The following CAST variants were observed in gnomAD, a reference collection of about 807,000 sequenced individuals.
CAST encodes calpastatin.
CAST carries 76 observed loss-of-function variants against 119.6 expected under a neutral mutation model. The ratio of observed to expected loss-of-function variants is 0.64; its 90% CI spans 0.53 to 0.77. CAST has a LOEUF of 0.77. Ranked by LOEUF, CAST falls within the 30% of genes least tolerant of loss-of-function variation. The probability of loss-of-function intolerance (pLI) is 0.00; values close to 1 mark genes in which losing one functional copy is unlikely to be tolerated. For missense variants in CAST, 953 were observed against 946.5 expected (o/e 1.01, Z -0.09); for synonymous variants, 319 against 331.6 (o/e 0.96, Z 0.41).
At chr5:96,338,129 T>A in the CAST span, among the ~76,000 whole-genome samples, 2 of 152,216 alleles carry the variant, frequency 1.3e-5, no homozygotes, top group Admixed American at 1.3e-4. Context: ...ACAACAATTG[T>A]TAGACCATAA....
the CAST span, among the ~76,000 whole-genome samples, chr5:96,257,362 C>T: frequency 6.6e-6 from 1 of 151,980 alleles, no homozygotes; most frequent in African/African-American, 2.4e-5. Flanking sequence ...AAATAATATG[C>T]AGGAATCTTA....
intron 3 of CAST, among the ~76,000 whole-genome samples, chr5:96,709,769 T>A (rs1755726076): frequency 6.6e-6 from 1 of 152,236 alleles, no homozygotes; most frequent in Non-Finnish European, 1.5e-5. Flanking sequence ...AATAGACATA[T>A]ATTATTTTCT....
At chr5:96,548,674 C>G (rs1427756436) in intron 1 of CAST, among the ~76,000 whole-genome samples, 2 of 152,100 alleles carry the variant, frequency 1.3e-5, no homozygotes, top group Non-Finnish European at 2.9e-5. Flanking sequence ...GGGAACAACC[C>G]TAGAATTTTC....
At chr5:96,036,875 A>G in the CAST span, among the ~76,000 whole-genome samples, 1 of 152,298 alleles carries the variant, frequency 6.6e-6, no homozygotes, top group South Asian at 2.1e-4. Flanking sequence ...CAAAACAAAT[A>G]TGTATTAATG....
At chr5:96,244,212 A>G in the CAST span, among the ~76,000 whole-genome samples, 1 of 152,128 alleles carries the variant, frequency 6.6e-6, no homozygotes, top group African/African-American at 2.4e-5. Flanking sequence ...CAATAAATTC[A>G]CTCAATAAAT....
chr5:96,239,212 C>T, the CAST span, among the ~76,000 whole-genome samples: 77,774 of 151,858 alleles, frequency 0.51, 21,007 homozygotes, highest in African/African-American at 0.68. Flanking sequence ...TATGCAATGA[C>T]TTATATATGT....
the CAST span, among the ~76,000 whole-genome samples, chr5:96,515,303 TTTGA>T: frequency 1.0e-3 from 155 of 151,534 alleles, no homozygotes; most frequent in Middle Eastern, 3.4e-3. Flanking sequence ...TCCCACAATG[TTTGA>T]TTGTTTGTTT....
chr5:96,211,198 A>T, the CAST span, among the ~76,000 whole-genome samples: 1 of 151,954 alleles, frequency 6.6e-6, no homozygotes, highest in Non-Finnish European at 1.5e-5. Flanking sequence ...TTCCAGTAAT[A>T]TGGGTGAGTA....
chr5:96,753,937 A>C lies in CAST; in HGVS notation c.1525-123A>C, dbSNP rs918968531. The C allele has an allele frequency of 4.7e-5, 30 of 632,072 alleles. No homozygotes were observed. The African/African-American group carries it at 5.5e-4, about 11-fold the overall frequency. 39.2% of individuals were successfully genotyped at this position (632,072 alleles called of 1,614,324 possible). The stretch of plus-strand genomic sequence containing the variant: ...AGATTCTAATTCAGTTGATAACTCG[A>C]GTTATTAAAAGATAGCGTGTGCCTT... On this transcript the variant is annotated intron_variant, in intron 20 of 31. Coordinates refer to ENST00000675179, the MANE Select transcript of CAST (RefSeq NM_001750.7).
intron 8 of CAST, 31 bp from the exon 9 acceptor site, chr5:96,730,749 C>T (rs1326601947): frequency 9.2e-6 from 14 of 1,516,656 alleles, no homozygotes; most frequent in Non-Finnish European, 1.2e-5. Context: ...AGATACTTAG[C>T]TCTGTCAACC....
the CAST span, among the ~76,000 whole-genome samples, chr5:96,094,118 G>T: frequency 1.3e-5 from 2 of 152,158 alleles, no homozygotes; most frequent in East Asian, 3.8e-4. Context: ...TAGTTATCTT[G>T]TTGTTAAATA....
At chr5:96,635,097 G>A (rs894278069) in intron 1 of CAST, among the ~76,000 whole-genome samples, 5 of 152,220 alleles carry the variant, frequency 3.3e-5, no homozygotes, top group Non-Finnish European at 7.3e-5. Flanking sequence ...CAGTAGGTGG[G>A]TGGATTTCCT....
intron 3 of CAST, among the ~76,000 whole-genome samples, chr5:96,701,600 T>A: frequency 6.6e-6 from 1 of 152,014 alleles, no homozygotes; most frequent in Non-Finnish European, 1.5e-5. Context: ...AGGTCAGGAG[T>A]TCGAGACCAG....
At chr5:96,205,647 C>A in the CAST span, among the ~76,000 whole-genome samples, 13 of 152,144 alleles carry the variant, frequency 8.5e-5, no homozygotes, top group African/African-American at 3.1e-4. Flanking sequence ...GACATGATCT[C>A]ATTCTGTTTT....
chr5:96,632,498 T>C (rs1172178993), intron 1 of CAST, among the ~76,000 whole-genome samples: 1 of 152,086 alleles, frequency 6.6e-6, no homozygotes, highest in Non-Finnish European at 1.5e-5. Context: ...GTTTGGTGTC[T>C]TATCTAAAAA....
the CAST span, among the ~76,000 whole-genome samples, chr5:96,300,731 G>T: frequency 6.6e-6 from 1 of 151,358 alleles, no homozygotes; most frequent in African/African-American, 2.4e-5. Flanking sequence ...CCATGAACGT[G>T]GGATATCTTT....
At chr5:96,025,078 C>T in the CAST span, among the ~76,000 whole-genome samples, 1 of 152,196 alleles carries the variant, frequency 6.6e-6, no homozygotes, top group African/African-American at 2.4e-5. Flanking sequence ...TAATCTGAAG[C>T]TTTTCCACAT....
At chr5:96,300,673 G>A in the CAST span, among the ~76,000 whole-genome samples, 1 of 151,802 alleles carries the variant, frequency 6.6e-6, no homozygotes, top group African/African-American at 2.4e-5. Flanking sequence ...TGAATCCATA[G>A]ATAACTTTGG....
chr5:96,566,904 T>A lies in CAST; in HGVS notation c.60+37024T>A, dbSNP rs188553198. ...AACACTGAGAGTGCTTTACTTATGT[T>A]TTAGTTTCGTTTTGCTTTGTTTTGT... On this transcript the variant is annotated intron_variant, in intron 1 of 11. Coordinates refer to the CAST transcript ENST00000505143. 1.1e-3 allele frequency among the ~76,000 whole-genome samples: 166 copies of A among 152,282 alleles called. 1 individual carries two copies. Among genetic ancestry groups the A allele is most frequent in the Admixed American group, 2.2e-3 (33 of 15,306 alleles).
Sources: gnomAD v4.1 joint callset for allele counts (sites outside exome capture counted in the v4.1 genomes callset) on GRCh38, gnomAD v4.1.1 for gene constraint, MANE v1.5 for transcripts, NCBI Gene and HGNC (gene_info 2026-07-23, HGNC 2026-07-21) for gene names.